The following ADAMTS6 variants were observed in gnomAD, a reference collection of about 807,000 sequenced individuals.
The protein encoded by ADAMTS6 is A disintegrin and metalloproteinase with thrombospondin motifs 6.
ADAMTS6 carries 23 observed loss-of-function variants against 144.3 expected under a neutral mutation model. That is an observed-to-expected ratio of 0.16 (90% CI 0.11 to 0.23). ADAMTS6 has a LOEUF of 0.23. Among genes scored for constraint, ADAMTS6 ranks in the 10% least tolerant of loss-of-function variants. The probability of loss-of-function intolerance (pLI) is 1.00; values close to 1 mark genes in which losing one functional copy is unlikely to be tolerated. For missense variants in ADAMTS6, 999 were observed against 1,379.6 expected (o/e 0.72, Z 4.37); for synonymous variants, 444 against 457.5 (o/e 0.97, Z 0.38).
At chr5:65,468,876 G>A (rs1173021825) in intron 3 of ADAMTS6, among the ~76,000 whole-genome samples, 2 of 152,180 alleles carry the variant, frequency 1.3e-5, no homozygotes, top group African/African-American at 4.8e-5. Flanking sequence ...CTAAACTTCA[G>A]AGCTACATTT....
chr5:65,400,244 C>T (rs761746147), intron 7 of ADAMTS6, among the ~76,000 whole-genome samples: 3 of 152,158 alleles, frequency 2.0e-5, no homozygotes, highest in Non-Finnish European at 2.9e-5. Flanking sequence ...ACTCTGTGGT[C>T]CTGGCTGGCG....
At chr5:65,171,072 C>T (rs1384378680) in intron 23 of ADAMTS6, among the ~76,000 whole-genome samples, 3 of 151,522 alleles carry the variant, frequency 2.0e-5, no homozygotes, top group African/African-American at 7.3e-5. Context: ...TGCAGTGGCA[C>T]AATCTCAACC....
At chr5:65,335,138 C>G (rs986638962) in intron 7 of ADAMTS6, among the ~76,000 whole-genome samples, 2 of 152,130 alleles carry the variant, frequency 1.3e-5, no homozygotes, top group Non-Finnish European at 2.9e-5. Flanking sequence ...TATATTATAA[C>G]CAGCCATATC....
At chr5:65,354,605 A>T (rs1561456396) in intron 7 of ADAMTS6, among the ~76,000 whole-genome samples, 1 of 151,946 alleles carries the variant, frequency 6.6e-6, no homozygotes, top group East Asian at 1.9e-4. Flanking sequence ...TTGATATTTG[A>T]TAATACTACT....
At chr5:65,386,560 C>A (rs1156380255) in intron 7 of ADAMTS6, among the ~76,000 whole-genome samples, 1 of 152,024 alleles carries the variant, frequency 6.6e-6, no homozygotes, top group East Asian at 1.9e-4. Flanking sequence ...AACTATGATA[C>A]AATACCTTAA....
chr5:65,287,272 C>G (rs1416865191), intron 11 of ADAMTS6, among the ~76,000 whole-genome samples: 1 of 152,046 alleles, frequency 6.6e-6, no homozygotes, highest in Non-Finnish European at 1.5e-5. Context: ...ACCACCTCTC[C>G]CCCAAAAAAG....
rs984344966 is a variant in ADAMTS6 at position 65,306,072 on chromosome 5, G to A, written c.1224-5941C>T. Among the ~76,000 whole-genome samples, 16 of 152,318 alleles carry A rather than the reference G, an allele frequency of 1.1e-4. No individual in the cohort carries two copies. The East Asian group carries it at 2.5e-3, about 24-fold the overall frequency. Reference sequence around the variant, plus strand: ...CTCAGTTGCAATGCAAACTCACTGCGTGTGCAGCATTTATATGGCCCATAT... The same window carrying A: ...CTCAGTTGCAATGCAAACTCACTGCATGTGCAGCATTTATATGGCCCATAT... On this transcript the variant is annotated intron_variant, in intron 9 of 24. Coordinates refer to ENST00000381055, the MANE Select transcript of ADAMTS6 (RefSeq NM_197941.4).
intron 7 of ADAMTS6, among the ~76,000 whole-genome samples, chr5:65,408,649 C>G (rs1238671005): frequency 6.6e-6 from 1 of 152,146 alleles, no homozygotes; most frequent in African/African-American, 2.4e-5. Context: ...CCAAGCAGAC[C>G]TAATAGACAT....
intron 2 of ADAMTS6, among the ~76,000 whole-genome samples, chr5:65,471,720 T>C (rs1760461971): frequency 1.3e-5 from 2 of 151,236 alleles, no homozygotes; most frequent in South Asian, 2.1e-4. Flanking sequence ...ATTGCGCCAC[T>C]GCACTCCAGC....
Position 65,460,027 on chromosome 5 carries a change from A to C in ADAMTS6, c.631+143T>G, listed in dbSNP as rs947663124. 3 of 711,094 alleles carry C rather than the reference A, an allele frequency of 4.2e-6. No homozygotes were observed. The African/African-American group carries it at 5.5e-5, about 13-fold the overall frequency. 44.0% of individuals were successfully genotyped at this position (711,094 alleles called of 1,614,324 possible). ...ATTGATTTAAAACTACTGGTAGGTG[A>C]CATCTATTAAAAGGGCTCTGGACAT... is the stretch of plus-strand genomic sequence containing the variant. On this transcript the variant is annotated intron_variant, in intron 4 of 24. Transcript: ENST00000381055.
chr5:65,160,685 TC>T (rs1465404254), intron 24 of ADAMTS6, among the ~76,000 whole-genome samples: 1 of 140,390 alleles, frequency 7.1e-6, no homozygotes, highest in Non-Finnish European at 1.6e-5. Context: ...AGAGTTTTGC[TC>T]TTGTTGCCCA....
intron 24 of ADAMTS6, among the ~76,000 whole-genome samples, chr5:65,161,650 T>G (rs1483188388): frequency 3.3e-5 from 5 of 152,202 alleles, no homozygotes; most frequent in African/African-American, 1.2e-4. Context: ...GACTATGAAC[T>G]TATAAATATA....
intron 3 of ADAMTS6, among the ~76,000 whole-genome samples, chr5:65,463,320 G>C (rs1357244979): frequency 6.6e-6 from 1 of 152,100 alleles, no homozygotes; most frequent in Non-Finnish European, 1.5e-5. Context: ...CAGATACTGG[G>C]AACAACAAAT....
intron 7 of ADAMTS6, among the ~76,000 whole-genome samples, chr5:65,378,992 C>A (rs539435977): frequency 6.6e-5 from 10 of 152,098 alleles, no homozygotes; most frequent in Admixed American, 6.5e-4. Context: ...AAAATCAAGT[C>A]TTCAAAATCT....
intron 10 of ADAMTS6, among the ~76,000 whole-genome samples, chr5:65,296,917 T>C (rs1033565247): frequency 6.6e-6 from 1 of 152,174 alleles, no homozygotes; most frequent in Admixed American, 6.6e-5. Context: ...TTTATGAAAT[T>C]ATTCTGTATT....
At chr5:65,179,010 G>A (rs951460577) in intron 22 of ADAMTS6, among the ~76,000 whole-genome samples, 17 of 150,514 alleles carry the variant, frequency 1.1e-4, no homozygotes, top group African/African-American at 4.8e-5. Context: ...CGGGAGCTTC[G>A]CTAACGCCTA....
intron 10 of ADAMTS6, among the ~76,000 whole-genome samples, chr5:65,295,603 G>A (rs907841758): frequency 6.6e-6 from 1 of 151,904 alleles, no homozygotes; most frequent in African/African-American, 2.4e-5. Context: ...GATCAAAATT[G>A]TACATATAAA....
Position 65,323,223 on chromosome 5 carries a change from G to A in ADAMTS6, c.1223+6155C>T, listed in dbSNP as rs555090806. Among the ~76,000 whole-genome samples the A allele has an allele frequency of 7.5e-4, 112 of 150,278 alleles. 1 individual carries two copies. The highest frequency in any genetic ancestry group is 1.2e-3 in the Non-Finnish European group (83 of 67,586). On this transcript the variant is annotated intron_variant, in intron 9 of 24. Transcript: ENST00000381055. The stretch of plus-strand genomic sequence containing the variant: ...GTTGGTGTGCTGCACCCATTAACTC[G>A]TCATTTAGCATTAGGTATATCTCCT...
intron 14 of ADAMTS6, among the ~76,000 whole-genome samples, chr5:65,248,991 G>A (rs1370072970): frequency 6.6e-6 from 1 of 151,782 alleles, no homozygotes; most frequent in African/African-American, 2.4e-5. Context: ...AGATTACCAA[G>A]ATATTGTTCC....
Sources: allele counts gnomAD v4.1 joint callset (sites outside exome capture counted in the v4.1 genomes callset), GRCh38; gene constraint gnomAD v4.1.1; transcripts MANE v1.5; gene names NCBI Gene and HGNC (gene_info 2026-07-23, HGNC 2026-07-21).